The following DST variants were observed in gnomAD, a reference collection of about 807,000 sequenced individuals.
DST encodes dystonin, also known as bullous pemphigoid antigen.
DST carries 253 observed loss-of-function variants against 875.2 expected under a neutral mutation model. The observed-to-expected ratio is 0.29, with a 90% CI of 0.26 to 0.32. The LOEUF is 0.32. Ranked by LOEUF, DST falls within the 10% of genes least tolerant of loss-of-function variation. DST has a pLI of 1.00. For synonymous variants in DST, 3,124 were observed against 3,197.1 expected (o/e 0.98, Z 0.77); for missense variants, 8,287 against 9,111.6 (o/e 0.91, Z 3.68).
At position 56,940,511 on chromosome 6, in the gene DST, C is replaced by G. The variant is rs540742540; in HGVS notation, c.216+13274G>C. Among the ~76,000 whole-genome samples, 55 of 151,836 alleles carry G rather than the reference C, an allele frequency of 3.6e-4. No individual in the cohort carries two copies. The South Asian group carries it at 0.011, about 30-fold the overall frequency. On this transcript the variant is annotated intron_variant, in intron 2 of 103. Transcript: ENST00000680361. ...AATATTATATTTTTCAAAAAAAATCCATTTAATCTAATTTGTCACTTCTGT... is the reference window on the plus strand; with the variant it reads ...AATATTATATTTTTCAAAAAAAATCGATTTAATCTAATTTGTCACTTCTGT...
At position 56,471,128 on chromosome 6, in the gene DST, A is replaced by G. The variant is rs1421673947; in HGVS notation, c.22299T>C (p.Phe7433=). 3 of 1,611,706 alleles carry G rather than the reference A, an allele frequency of 1.9e-6. No individual in the cohort carries two copies. Among genetic ancestry groups the G allele is most frequent in the Non-Finnish European group, 2.5e-6 (3 of 1,178,988 alleles). Residue 7433 remains phenylalanine (F), a synonymous_variant, in exon 95 of 104, where the codon TTT becomes TTC. Coordinates refer to ENST00000680361, the MANE Select transcript of DST (RefSeq NM_001374736.1). ...DQDGKITRQE[F]IDGILSSKFP... is the part of the protein sequence containing the mutation. Reference sequence around the variant, plus strand: ...TACTTGAGGAAAGAATTCCATCAATAAATTCCTGCCGCGTTATTTTCCCAT... The same window carrying G: ...TACTTGAGGAAAGAATTCCATCAATGAATTCCTGCCGCGTTATTTTCCCAT...
At chr6:56,656,995 T>A (rs1042787284) in intron 10 of DST, among the ~76,000 whole-genome samples, 1 of 152,104 alleles carries the variant, frequency 6.6e-6, no homozygotes. Context: ...CTAATACAGA[T>A]TAAGAATAGA....
intron 82 of DST, among the ~76,000 whole-genome samples, chr6:56,496,542 C>T (rs1289581759): frequency 6.6e-6 from 1 of 151,882 alleles, no homozygotes; most frequent in African/African-American, 2.4e-5. Context: ...GACAATCATG[C>T]TTATAACAAT....
In DST at chr6:56,714,722, A is replaced by G. The variant is rs572488937; in HGVS notation, c.688-10353T>C. ...TTCATGTCCATTCCTGATGGCTAAG[A>G]GAGATTTTGAAACAAAATGTCTCCT... On this transcript the variant is annotated intron_variant, in intron 5 of 103. Coordinates refer to ENST00000680361, the MANE Select transcript of DST (RefSeq NM_001374736.1). This position sits in a 1 kb window ranked among gnomAD's most constrained non-coding sequence, Gnocchi z 4.5. Among the ~76,000 whole-genome samples, 3 of 152,208 alleles carry G rather than the reference A, an allele frequency of 2.0e-5. No individual in the cohort carries two copies. Among genetic ancestry groups the G allele is most frequent in the Non-Finnish European group, 4.4e-5 (3 of 68,040 alleles).
At position 56,474,052 on chromosome 6, in the gene DST, C is replaced by T. The variant is rs182731391; in HGVS notation, c.21865-50G>A. On this transcript the variant is annotated intron_variant, in intron 92 of 103. Coordinates refer to ENST00000680361, the MANE Select transcript of DST (RefSeq NM_001374736.1). ...TCAAATAAGAGTTACTACAGAAAAC[C>T]GTCTTTAGAAATGAACTAAAAGCAG... The T allele has an allele frequency of 2.0e-4, 306 of 1,501,914 alleles. 3 individuals are homozygous for T. The African/African-American group carries it at 3.4e-3, about 17-fold the overall frequency. The allele number at this position is 1,501,914 out of a possible 1,614,324, so 93.0% of individuals were successfully genotyped here.
intron 36 of DST, chr6:56,615,099 T>G: frequency 4.9e-6 from 5 of 1,030,430 alleles, no homozygotes; most frequent in South Asian, 3.7e-5. Flanking sequence ...GGGAACGAAT[T>G]TATATCTTTC....
chr6:56,665,429 T>A (rs749923880), intron 10 of DST, among the ~76,000 whole-genome samples: 2 of 152,180 alleles, frequency 1.3e-5, no homozygotes, highest in Non-Finnish European at 2.9e-5. Flanking sequence ...CATATATCTT[T>A]GCTGAAAATA....
intron 9 of DST, among the ~76,000 whole-genome samples, chr6:56,694,240 G>A (rs1588711371): frequency 1.4e-5 from 2 of 147,928 alleles, no homozygotes; most frequent in Admixed American, 6.8e-5. Flanking sequence ...AATTAGAATA[G>A]CATGAAATGG....
intron 4 of DST, among the ~76,000 whole-genome samples, chr6:56,828,067 T>G (rs1309800983): frequency 6.6e-6 from 1 of 152,122 alleles, no homozygotes; most frequent in African/African-American, 2.4e-5. Context: ...CATCACATTC[T>G]CCTTTATTCA....
chr6:56,607,632 A>G lies in DST; in HGVS notation c.6996T>C (p.Val2332=). 1 of 1,613,396 alleles carries G rather than the reference A, an allele frequency of 6.2e-7. No individual in the cohort carries two copies. The highest frequency in any genetic ancestry group is 1.1e-5 in the South Asian group (1 of 91,068). ...GAACACACACACTGGGTGAACTGTT[A>G]ACTTTAGGATCAATTGATATTGTAC... ...LASTISIDPK[V]NSSPSVCVPS... Residue 2332 remains valine, a synonymous_variant, in exon 40 of 104, where the codon GTT becomes GTC. Transcript: ENST00000680361.
At chr6:56,483,040 A>G (rs1250468964) in intron 88 of DST, among the ~76,000 whole-genome samples, 163 bp from the exon 89 acceptor site, 1 of 152,206 alleles carries the variant, frequency 6.6e-6, no homozygotes, top group African/African-American at 2.4e-5. Flanking sequence ...TAAATGACAC[A>G]CTGCTCCTAT....
intron 80 of DST, among the ~76,000 whole-genome samples, chr6:56,498,692 C>T (rs2096005443): frequency 1.3e-5 from 2 of 152,064 alleles, no homozygotes; most frequent in South Asian, 2.1e-4. Flanking sequence ...CTAAGGCATA[C>T]AGTACCATAT....
intron 2 of DST, among the ~76,000 whole-genome samples, chr6:56,914,385 C>T (rs771059487): frequency 1.3e-5 from 2 of 152,170 alleles, no homozygotes; most frequent in South Asian, 4.1e-4. Context: ...GGCAGCATGG[C>T]TTTTAGCTGG....
chr6:56,673,385 T>C (rs939073727), intron 9 of DST, among the ~76,000 whole-genome samples: 9 of 152,216 alleles, frequency 5.9e-5, no homozygotes, highest in African/African-American at 2.2e-4. Context: ...GCCACCTAGA[T>C]AGTATGTATA....
chr6:56,949,468 T>A (rs1384748076), intron 2 of DST, among the ~76,000 whole-genome samples: 2 of 152,190 alleles, frequency 1.3e-5, no homozygotes, highest in Admixed American at 6.5e-5. Context: ...TCAGTTAGCA[T>A]AACAGAAAAA....
At chr6:56,795,398 G>C (rs1236462999) in intron 4 of DST, among the ~76,000 whole-genome samples, 17 of 151,988 alleles carry the variant, frequency 1.1e-4, no homozygotes, top group Admixed American at 1.1e-3. Context: ...TAGATCAGAA[G>C]AACGGGAGAA....
chr6:56,801,177 G>A (rs557664941), intron 4 of DST, among the ~76,000 whole-genome samples: 3 of 151,914 alleles, frequency 2.0e-5, no homozygotes, highest in African/African-American at 7.3e-5. Context: ...GATTTTATAT[G>A]GATTTCATCA....
chr6:56,701,805 C>T, intron 8 of DST, 83 bp downstream of exon 8: 3 of 833,262 alleles, frequency 3.6e-6, no homozygotes, highest in Non-Finnish European at 5.7e-6. Flanking sequence ...GCAAATTTAA[C>T]CTTGTCATTC....
chr6:56,907,064 A>C (rs778265114), intron 2 of DST, among the ~76,000 whole-genome samples: 21 of 152,208 alleles, frequency 1.4e-4, no homozygotes, highest in Non-Finnish European at 2.5e-4. Flanking sequence ...ACCAAGACTC[A>C]GTGAATTCAA....
Sources: allele counts gnomAD v4.1 joint callset (sites outside exome capture counted in the v4.1 genomes callset), GRCh38; gene constraint gnomAD v4.1.1; non-coding constraint Gnocchi (gnomAD v3.1); transcripts MANE v1.5; gene names NCBI Gene and HGNC (gene_info 2026-07-23, HGNC 2026-07-21).